RGS20: variants seen among roughly 807,000 people sequenced by gnomAD.
RGS20 encodes regulator of G protein signaling 20.
RGS20 carries 30 observed loss-of-function variants against 33.6 expected under a neutral mutation model. The ratio of observed to expected loss-of-function variants is 0.89; its 90% CI spans 0.67 to 1.21. The LOEUF (loss-of-function observed/expected upper bound fraction) is 1.21, where lower values mean the gene tolerates loss of function less well. Among genes scored for constraint, RGS20 ranks in the 50% most tolerant of loss-of-function variants. RGS20 has a pLI of 0.00. For missense variants in RGS20, 472 were observed against 502.4 expected (o/e 0.94, Z 0.58); for synonymous variants, 208 against 197.9 (o/e 1.05, Z -0.43).
At chr8:53,924,653 T>A (rs1813745110) in intron 2 of RGS20, among the ~76,000 whole-genome samples, 1 of 152,180 alleles carries the variant, frequency 6.6e-6, no homozygotes, top group African/African-American at 2.4e-5. Context: ...ATTGTTTCAT[T>A]CTTTTTTGTT....
At chr8:53,872,205 TTA>T (rs1158125285) in intron 1 of RGS20, among the ~76,000 whole-genome samples, 1 of 152,228 alleles carries the variant, frequency 6.6e-6, no homozygotes, top group African/African-American at 2.4e-5. Context: ...GTCCATTTAT[TTA>T]TGTTTTTATT....
intron 1 of RGS20, among the ~76,000 whole-genome samples, chr8:53,871,960 G>A (rs1161246419): frequency 6.6e-6 from 1 of 151,632 alleles, no homozygotes; most frequent in African/African-American, 2.4e-5. Flanking sequence ...CTAAGCTCAA[G>A]CCTCTTTTAC....
intron 3 of RGS20, among the ~76,000 whole-genome samples, chr8:53,940,871 G>A (rs1290247417): frequency 1.3e-5 from 2 of 152,196 alleles, no homozygotes. Context: ...GAAACACGTG[G>A]GTGTCCAGGG....
intron 3 of RGS20, among the ~76,000 whole-genome samples, chr8:53,939,951 A>AATTT (rs1814242447): frequency 6.6e-6 from 1 of 152,196 alleles, no homozygotes; most frequent in African/African-American, 2.4e-5. Context: ...AATCAGGCCA[A>AATTT]CGTGTGTTAA....
chr8:53,936,786 A>C (rs1019391048), intron 2 of RGS20, among the ~76,000 whole-genome samples: 3 of 152,236 alleles, frequency 2.0e-5, no homozygotes, highest in African/African-American at 7.2e-5. Context: ...TGTATAGCCA[A>C]GACAATCCCA....
At position 53,915,736 on chromosome 8, in the gene RGS20, G is replaced by C. The variant is rs367769535; in HGVS notation, c.511-23840G>C. ...AGTCTTCTGAATCATCTGAGGACAA[G>C]GACAGGGCTGGTGCCCGAGTTTCTT... On this transcript the variant is annotated intron_variant, in intron 2 of 5. Transcript: ENST00000297313. 4.7e-4 allele frequency among the ~76,000 whole-genome samples: 72 copies of C among 152,266 alleles called. 1 individual carries two copies. Among genetic ancestry groups the C allele is most frequent in the African/African-American group, 1.7e-3 (70 of 41,544 alleles).
intron 4 of RGS20, among the ~76,000 whole-genome samples, chr8:53,950,268 T>C (rs1370445101): frequency 6.6e-6 from 1 of 152,162 alleles, no homozygotes; most frequent in Non-Finnish European, 1.5e-5. Flanking sequence ...TAGATACAAC[T>C]AAATAAATAA....
Position 53,875,445 on chromosome 8 carries a change from A to C in RGS20, c.166-3813A>C, listed in dbSNP as rs562134074. Among the ~76,000 whole-genome samples, 269 of 147,990 alleles carry C rather than the reference A, an allele frequency of 1.8e-3. 1 individual carries two copies. The highest frequency in any genetic ancestry group is 3.3e-3 in the Admixed American group (49 of 14,868). ...AGACTCTGTCAAAAAAAAAAAAAAA[A>C]AAAAACCAAAAAAACCAAAAAAACT... On this transcript the variant is annotated intron_variant, in intron 1 of 5. Transcript: ENST00000297313.
At chr8:53,894,410 C>T (rs1812797530) in intron 2 of RGS20, among the ~76,000 whole-genome samples, 1 of 152,104 alleles carries the variant, frequency 6.6e-6, no homozygotes, top group Non-Finnish European at 1.5e-5. Flanking sequence ...CATGCACATC[C>T]TAGGAACTGC....
chr8:53,916,784 G>A (rs1813496063), intron 2 of RGS20, among the ~76,000 whole-genome samples: 1 of 152,174 alleles, frequency 6.6e-6, no homozygotes, highest in African/African-American at 2.4e-5. Context: ...GTTTCTCACA[G>A]TTCTGGAGGC....
intron 3 of RGS20, among the ~76,000 whole-genome samples, chr8:53,941,138 G>A (rs527269770): frequency 3.0e-4 from 45 of 152,328 alleles, no homozygotes; most frequent in African/African-American, 1.1e-3. Flanking sequence ...TAAGGCTAGA[G>A]GGCGGGTCAG....
chr8:53,955,149 T>C (rs1351795122), intron 5 of RGS20, among the ~76,000 whole-genome samples: 1 of 151,278 alleles, frequency 6.6e-6, no homozygotes, highest in East Asian at 2.0e-4. Flanking sequence ...TGGGTCAAGC[T>C]GAACATGACC....
chr8:53,944,780 A>G (rs1372831946), intron 3 of RGS20, among the ~76,000 whole-genome samples: 1 of 152,208 alleles, frequency 6.6e-6, no homozygotes, highest in Non-Finnish European at 1.5e-5. Flanking sequence ...ATAAAATGCA[A>G]ATAAATCAAT....
chr8:53,853,466 G>A (rs1811609016), intron 1 of RGS20, among the ~76,000 whole-genome samples: 1 of 152,192 alleles, frequency 6.6e-6, no homozygotes, highest in African/African-American at 2.4e-5. Context: ...CCTGTTAACA[G>A]GTTCCAGTCT....
chr8:53,945,261 ATAT>A (rs2129291296), intron 3 of RGS20: 1 of 152,342 alleles, frequency 6.6e-6, no homozygotes, highest in East Asian at 1.9e-4. Flanking sequence ...AAACAATGAG[ATAT>A]TATTCAACTG....
chr8:53,949,491 C>T (rs747998689), intron 4 of RGS20, among the ~76,000 whole-genome samples: 137 of 151,716 alleles, frequency 9.0e-4, no homozygotes, highest in Non-Finnish European at 1.5e-3. Context: ...TCAAAGCATG[C>T]GGATCACCTG....
intron 2 of RGS20, among the ~76,000 whole-genome samples, chr8:53,938,189 A>C (rs1353807100): frequency 2.0e-5 from 3 of 152,218 alleles, no homozygotes; most frequent in Non-Finnish European, 4.4e-5. Flanking sequence ...TACACCATGG[A>C]ATTCTATGCA....
chr8:53,928,516 T>C (rs1460265924), intron 2 of RGS20, among the ~76,000 whole-genome samples: 1 of 152,200 alleles, frequency 6.6e-6, no homozygotes, highest in Non-Finnish European at 1.5e-5. Context: ...TCTTCTAATT[T>C]AGTCTGATAA....
chr8:53,886,661 C>T (rs1585888247), intron 2 of RGS20, among the ~76,000 whole-genome samples: 1 of 152,170 alleles, frequency 6.6e-6, no homozygotes, highest in Non-Finnish European at 1.5e-5. Flanking sequence ...TGTGCACCTC[C>T]GTCCAACAGT....
Sources: gnomAD v4.1 joint callset for allele counts (sites outside exome capture counted in the v4.1 genomes callset) on GRCh38, gnomAD v4.1.1 for gene constraint, MANE v1.5 for transcripts, NCBI Gene and HGNC (gene_info 2026-07-23, HGNC 2026-07-21) for gene names.